The following NPIPA5 variants were observed in gnomAD, a reference collection of about 807,000 sequenced individuals.
NPIPA5 encodes the protein nuclear pore complex interacting protein family member A5.
In NPIPA5, 6 loss-of-function variants were observed where a neutral mutation model predicts 21.4. That is an observed-to-expected ratio of 0.28 (90% confidence interval 0.15 to 0.55). The LOEUF is 0.55. NPIPA5 is among the 20% of genes least tolerant of loss of function. The pLI, the probability that NPIPA5 is intolerant of heterozygous loss-of-function variation, is 0.93. For synonymous variants in NPIPA5, 33 were observed against 115.3 expected, an observed-to-expected ratio of 0.29 and a Z score of 4.57; for missense variants, 99 against 318.2, an observed-to-expected ratio of 0.31 and a Z score of 5.24.
chr16:15,374,179 A>G (rs1434052894), intron 1 of NPIPA5, among the ~76,000 whole-genome samples: 1 of 150,658 alleles, frequency 6.6e-6, no homozygotes, highest in Non-Finnish European at 1.5e-5. Flanking sequence ...ACAATAGCTG[A>G]TGATCTAAAA....
rs2050124829 is a variant in NPIPA5 at position 15,370,521 on chromosome 16, G to A, written c.193-402C>T. Among the ~76,000 whole-genome samples, 4 of 146,972 alleles carry A rather than the reference G, an allele frequency of 2.7e-5. No homozygotes were observed. The South Asian group carries it at 8.9e-4, about 33-fold the overall frequency. Reference sequence around the variant, plus strand: ...AATCCCAGTACTTTGGGAGGCCGAGGCAGGCGGAACACCTGAGGTCGGGAG... The same window carrying A: ...AATCCCAGTACTTTGGGAGGCCGAGACAGGCGGAACACCTGAGGTCGGGAG... On this transcript the variant is annotated intron_variant, in intron 2 of 7. Transcript: ENST00000360151.
intron 2 of NPIPA5, among the ~76,000 whole-genome samples, chr16:15,370,874 C>T (rs1191039781): frequency 4.1e-5 from 6 of 146,442 alleles, no homozygotes; most frequent in Non-Finnish European, 7.5e-5. Context: ...TGGTGAAACC[C>T]CGTCTCTACT....
intron 2 of NPIPA5, among the ~76,000 whole-genome samples, chr16:15,372,632 G>A (rs251630): frequency 6.9e-6 from 1 of 144,808 alleles, no homozygotes; most frequent in Non-Finnish European, 1.5e-5. Context: ...TTGAAAGGCA[G>A]TGCCAAATGA....
In NPIPA5 at chr16:15,371,382, A is replaced by G. The variant is rs1455361090; in HGVS notation, c.193-1263T>C. Among the ~76,000 whole-genome samples, 2 of 147,412 alleles carry G rather than the reference A, an allele frequency of 1.4e-5. 1 individual carries two copies. Among genetic ancestry groups the G allele is most frequent in the Non-Finnish European group, 3.0e-5 (2 of 67,078 alleles). On this transcript the variant is annotated intron_variant, in intron 2 of 7. Coordinates refer to ENST00000360151, the MANE Select transcript of NPIPA5 (RefSeq NM_001277325.2). ...TGATTGAATTCCCACCAAGATTTCC[A>G]TATTATCACAGTATGCTTTTAATCT...
chr16:15,363,763 G>A lies in NPIPA5; in HGVS notation c.949C>T (p.Pro317Ser). The change falls in exon 8 of 8, where the codon CCA becomes TCA. Residue 317 changes from proline to serine, a missense_variant. Pro to Ser is a moderately conservative substitution (Grantham distance 74, BLOSUM62 -1). Coordinates refer to ENST00000360151, the MANE Select transcript of NPIPA5 (RefSeq NM_001277325.2). ...TPAECLLTPL[P>S]PSAPPSADDN... ...TCCGCTGAGGGTGGAGCTGAGGGTGGAAGGGGAGTGAGCAGACACTCGGCA... is the reference window on the plus strand; with the variant it reads ...TCCGCTGAGGGTGGAGCTGAGGGTGAAAGGGGAGTGAGCAGACACTCGGCA... The A allele has an allele frequency of 1.5e-6, 2 of 1,295,834 alleles. No homozygotes were observed. Among genetic ancestry groups the A allele is most frequent in the South Asian group, 1.4e-5 (1 of 69,358 alleles). 80.3% of individuals were successfully genotyped at this position (1,295,834 alleles called of 1,614,324 possible). A position where few individuals can be genotyped will look rare whatever the true frequency, so the allele number is the denominator to read the frequency against.
chr16:15,379,335 C>T (rs1217508133), upstream of NPIPA5, among the ~76,000 whole-genome samples: 132 of 150,078 alleles, frequency 8.8e-4, no homozygotes, highest in Non-Finnish European at 1.6e-3. Context: ...TTTGGGAGGC[C>T]GAGGTGGGCG....
intron 7 of NPIPA5, 73 bp from the exon 8 acceptor site, chr16:15,364,142 C>T: frequency 7.2e-7 from 1 of 1,398,398 alleles, no homozygotes; most frequent in Non-Finnish European, 9.5e-7. Flanking sequence ...CCAACACAGT[C>T]TGCACCTTCT....
At chr16:15,381,189 C>G (rs569889911), upstream of NPIPA5, 2 of 577,886 alleles carry the variant, frequency 3.5e-6, no homozygotes, top group South Asian at 4.0e-5. Context: ...GAACCAAGTT[C>G]AAATTCCTGT....
In NPIPA5 at chr16:15,368,560, A is replaced by G. The variant is rs1456120088; in HGVS notation, c.437+1152T>C. On this transcript the variant is annotated intron_variant, in intron 4 of 7. Transcript: ENST00000360151. ...GTGAAAATGAATCTGGAGGTGACCCAAGCATTGAATTCAACAATCCAGGCT... is the reference window on the plus strand; with the variant it reads ...GTGAAAATGAATCTGGAGGTGACCCGAGCATTGAATTCAACAATCCAGGCT... Among the ~76,000 whole-genome samples the G allele has an allele frequency of 7.9e-5, 12 of 151,380 alleles. No homozygotes were observed. The East Asian group carries it at 9.8e-4, about 12-fold the overall frequency.
At chr16:15,376,086 G>A (rs1021089833) in intron 1 of NPIPA5, among the ~76,000 whole-genome samples, 13 of 152,108 alleles carry the variant, frequency 8.5e-5, no homozygotes, top group Admixed American at 2.0e-4. Context: ...TCAGAAATAC[G>A]GTGTTGAGCA....
Position 15,370,479 on chromosome 16 carries a change from T to C in NPIPA5, c.193-360A>G, listed in dbSNP as rs372180501. ...ACACAAGAATGACATGAGGCTGGCA[T>C]GGTGGCTCACTCCTGTAATCCCAGT... On this transcript the variant is annotated intron_variant, in intron 2 of 7. Transcript: ENST00000360151. Among the ~76,000 whole-genome samples, 52 of 141,462 alleles carry C rather than the reference T, an allele frequency of 3.7e-4. 6 individuals are homozygous for C. The highest frequency in any genetic ancestry group is 3.2e-3 in the Admixed American group (42 of 13,192). The allele number at this position is 141,462 out of a possible 152,430, so 92.8% of individuals were successfully genotyped here.
chr16:15,381,473 C>A, upstream of NPIPA5: 2 of 982,322 alleles, frequency 2.0e-6, no homozygotes, highest in Non-Finnish European at 2.4e-6. Context: ...AGTGATTTCT[C>A]ATTTTTACAT....
At chr16:15,379,644 G>GC (rs1230122571), upstream of NPIPA5, among the ~76,000 whole-genome samples, 2 of 151,264 alleles carry the variant, frequency 1.3e-5, no homozygotes, top group Non-Finnish European at 2.9e-5. Flanking sequence ...ATATGCTGCA[G>GC]CCATGTTCCA....
At chr16:15,379,918 TGG>T (rs1053711923), upstream of NPIPA5, among the ~76,000 whole-genome samples, 4 of 151,732 alleles carry the variant, frequency 2.6e-5, no homozygotes, top group Non-Finnish European at 5.9e-5. Flanking sequence ...CACTCCAGCC[TGG>T]GGGACAGAGT....
intron 2 of NPIPA5, among the ~76,000 whole-genome samples, chr16:15,370,613 T>C: frequency 7.0e-6 from 1 of 143,032 alleles, no homozygotes; most frequent in Admixed American, 7.6e-5. Flanking sequence ...TAGCCAGGCA[T>C]GGTGGTGCAT....
At chr16:15,372,466 C>T (rs568100282) in intron 2 of NPIPA5, among the ~76,000 whole-genome samples, 4 of 143,990 alleles carry the variant, frequency 2.8e-5, no homozygotes, top group African/African-American at 7.6e-5. Flanking sequence ...GCCTGGGCAA[C>T]AGAGGGAGAC....
chr16:15,374,273 A>G (rs1289802277), intron 1 of NPIPA5, among the ~76,000 whole-genome samples: 1 of 149,842 alleles, frequency 6.7e-6, no homozygotes, highest in African/African-American at 2.5e-5. Context: ...ATCTCGGCTC[A>G]CTGCAACCTC....
chr16:15,375,741 C>CAAA (rs1268411508), intron 1 of NPIPA5, among the ~76,000 whole-genome samples: 3 of 62,116 alleles, frequency 4.8e-5, no homozygotes, highest in Admixed American at 1.8e-4. Flanking sequence ...GACTCTGTCT[C>CAAA]AAAAAAAAAA....
chr16:15,374,240 C>A (rs993528192), intron 1 of NPIPA5, among the ~76,000 whole-genome samples: 1 of 150,960 alleles, frequency 6.6e-6, no homozygotes, highest in Non-Finnish European at 1.5e-5. Flanking sequence ...ACTCAGTCGC[C>A]CAGGCTGGAG....
Sources: gnomAD v4.1 joint callset for allele counts (sites outside exome capture counted in the v4.1 genomes callset) on GRCh38, gnomAD v4.1.1 for gene constraint, MANE v1.5 for transcripts, NCBI Gene and HGNC (gene_info 2026-07-23, HGNC 2026-07-21) for gene names.